Variants in TMEM18 observed in about 807,000 individuals in gnomAD.
TMEM18 encodes the protein transmembrane protein 18.
TMEM18 carries 14 observed loss-of-function variants against 17.4 expected under a neutral mutation model. The ratio of observed to expected loss-of-function variants is 0.80; its 90% CI spans 0.53 to 1.25. The LOEUF (loss-of-function observed/expected upper bound fraction) is 1.25, where lower values mean the gene tolerates loss of function less well. Among genes scored for constraint, TMEM18 ranks in the 50% most tolerant of loss-of-function variants. The pLI is 0.00. For missense variants in TMEM18, 187 were observed against 172.1 expected, an observed-to-expected ratio of 1.09 and a Z score of -0.48; for synonymous variants, 86 against 66.1, an observed-to-expected ratio of 1.30 and a Z score of -1.46.
intron 3 of TMEM18, among the ~76,000 whole-genome samples, chr2:672,397 A>G (rs1678873298): frequency 6.6e-6 from 1 of 152,114 alleles, no homozygotes; most frequent in Non-Finnish European, 1.5e-5. Flanking sequence ...TGAGGCAGGC[A>G]GGTGCCCCAG....
intron 2 of TMEM18, among the ~76,000 whole-genome samples, chr2:674,175 G>T (rs1449717743): frequency 6.6e-6 from 1 of 152,178 alleles, no homozygotes; most frequent in Non-Finnish European, 1.5e-5. Context: ...TATTACCCCG[G>T]TGTGAAAGCA....
chr2:675,799 G>C (rs1473777850), intron 1 of TMEM18, 169 bp from the exon 2 acceptor site: 1 of 1,531,208 alleles, frequency 6.5e-7, no homozygotes, highest in Admixed American at 2.0e-5. Context: ...AGAAACATGG[G>C]GACAGGAAAG....
intron 1 of TMEM18, 105 bp downstream of exon 1, chr2:677,184 C>G (rs1659279796): frequency 4.9e-6 from 7 of 1,439,202 alleles, no homozygotes; most frequent in Non-Finnish European, 6.6e-6. Flanking sequence ...AGGCCCCGCC[C>G]ACGGCCGGGG....
intron 3 of TMEM18, chr2:670,103 G>A (rs1678801445): frequency 2.2e-6 from 1 of 444,868 alleles, no homozygotes; most frequent in African/African-American, 2.0e-5. Flanking sequence ...GAAAGACCCC[G>A]AGGCCTCCCC....
chr2:669,859 A>G lies in TMEM18; in HGVS notation c.234-9T>C. ...GGTATTTCGAAAATAATCTGTTTAAAAAACAAAAACAAAAAATTACTAGGC... is the reference window on the plus strand; with the variant it reads ...GGTATTTCGAAAATAATCTGTTTAAGAAACAAAAACAAAAAATTACTAGGC... On this transcript the variant is annotated splice_polypyrimidine_tract_variant and intron_variant, in intron 3 of 4. Coordinates refer to ENST00000281017, the MANE Select transcript of TMEM18 (RefSeq NM_152834.4). 1 of 1,600,690 alleles carries G rather than the reference A, an allele frequency of 6.2e-7. No homozygotes were observed. The highest frequency in any genetic ancestry group is 8.5e-7 in the Non-Finnish European group (1 of 1,173,730).
At position 675,906 on chromosome 2, in the gene TMEM18, C is replaced by T. The variant is rs545235857; in HGVS notation, c.58-276G>A. Reference sequence around the variant, plus strand: ...CAAGCACACAGAACTGAAGGCATCTCTGATGTGCTCCTTTCGTTTGTGGAA... The same window carrying T: ...CAAGCACACAGAACTGAAGGCATCTTTGATGTGCTCCTTTCGTTTGTGGAA... On this transcript the variant is annotated intron_variant, in intron 1 of 4. Transcript: ENST00000281017. The T allele has an allele frequency of 4.3e-5, 62 of 1,452,934 alleles. 1 individual carries two copies. In the East Asian group the frequency reaches 1.9e-3, roughly 44 times the overall value. 90.0% of individuals were successfully genotyped at this position (1,452,934 alleles called of 1,614,324 possible). A position where few individuals can be genotyped will look rare whatever the true frequency, so the allele number is the denominator to read the frequency against.
chr2:677,390 G>C lies in TMEM18; in HGVS notation c.-45C>G. The C allele has an allele frequency of 6.2e-7, 1 of 1,601,268 alleles. No individual in the cohort carries two copies. The highest frequency in any genetic ancestry group is 8.5e-7 in the Non-Finnish European group (1 of 1,175,460). On this transcript the variant is annotated 5_prime_UTR_variant, in exon 1 of 5. Transcript: ENST00000281017. ...TCACAGCAACCGCCGAACCCGGCCT[G>C]GCCAGAATCCACAGAGGAGGGCGCC...
chr2:667,028 T>C lies in TMEM18; in HGVS notation c.*2552A>G, dbSNP rs2103088140. Among the ~76,000 whole-genome samples the C allele has an allele frequency of 6.6e-6, 1 of 151,714 alleles. No individual in the cohort carries two copies. The highest frequency in any genetic ancestry group is 2.1e-4 in the South Asian group (1 of 4,788). ...CACCCCCAGCCCTTTTTTTTTTTTT[T>C]TAACATTTATTATTTTGTAAAGGGC... On this transcript the variant is annotated 3_prime_UTR_variant, in exon 5 of 5. Transcript: ENST00000281017.
intron 1 of TMEM18, 37 bp downstream of exon 1, chr2:677,252 C>T (rs1455436214): frequency 2.5e-6 from 4 of 1,597,722 alleles, no homozygotes; most frequent in Non-Finnish European, 3.4e-6. Flanking sequence ...CTCCGCCGTC[C>T]TCCCCCGAAC....
Position 665,040 on chromosome 2 carries a change from G to C in TMEM18, c.*4540C>G, listed in dbSNP as rs1466787533. 6.6e-6 allele frequency among the ~76,000 whole-genome samples: 1 copy of C among 152,222 alleles called. No individual in the cohort carries two copies. Among genetic ancestry groups the C allele is most frequent in the East Asian group, 1.9e-4 (1 of 5,198 alleles). ...CTTAACAATTTTCTCCTGTTCCAAA[G>C]ATATCCAATGTTATATAAGAAATAA... On this transcript the variant is annotated 3_prime_UTR_variant, in exon 5 of 5. Transcript: ENST00000281017.
At chr2:670,513 G>C (rs1339545501) in intron 3 of TMEM18, 1 of 152,820 alleles carries the variant, frequency 6.5e-6, no homozygotes, top group Non-Finnish European at 1.5e-5. Context: ...GGTGGGCAGT[G>C]GGTCAGCGCC....
intron 2 of TMEM18, among the ~76,000 whole-genome samples, chr2:673,926 G>C (rs1016725657): frequency 2.4e-4 from 36 of 152,014 alleles, no homozygotes; most frequent in African/African-American, 8.2e-4. Context: ...TGGTAGGCAC[G>C]GGAGGAAGGC....
intron 2 of TMEM18, among the ~76,000 whole-genome samples, chr2:673,257 C>A (rs1373104014): frequency 2.6e-5 from 4 of 152,204 alleles, no homozygotes; most frequent in Non-Finnish European, 5.9e-5. Flanking sequence ...CCAGAGCTGA[C>A]AACCAAGGGC....
In TMEM18 at chr2:677,274, CGG is replaced by C; in HGVS notation, c.57+13_57+14del. 1 of 1,608,402 alleles carries C rather than the reference CGG, an allele frequency of 6.2e-7. No homozygotes were observed. The highest frequency in any genetic ancestry group is 2.2e-5 in the East Asian group (1 of 44,766). On this transcript the variant is annotated intron_variant, in intron 1 of 4. Coordinates refer to ENST00000281017, the MANE Select transcript of TMEM18 (RefSeq NM_152834.4). ...GTCCTCCCCCGAACTGGTGGTTACG[CGG>C]GCCGCGAGTTACCGTGAGCACGGCT...
intron 3 of TMEM18, among the ~76,000 whole-genome samples, chr2:672,354 G>A (rs1486166503): frequency 3.3e-5 from 5 of 152,066 alleles, no homozygotes; most frequent in African/African-American, 1.2e-4. Context: ...GCTGCCAGCG[G>A]TGCCCCCCGA....
chr2:675,982 CGAT>C (rs1268920365), intron 1 of TMEM18: 5 of 1,312,742 alleles, frequency 3.8e-6, no homozygotes, highest in East Asian at 9.4e-5. Context: ...CCATCCTTTA[CGAT>C]GATAATTGGT....
chr2:671,029 T>C (rs1678832097), intron 3 of TMEM18: 1 of 152,256 alleles, frequency 6.6e-6, no homozygotes, highest in Non-Finnish European at 1.5e-5. Context: ...TCCTGAACAA[T>C]GCCCTGTTAC....
At chr2:672,448 G>A (rs556552758) in intron 3 of TMEM18, among the ~76,000 whole-genome samples, 2 of 152,282 alleles carry the variant, frequency 1.3e-5, no homozygotes, top group East Asian at 1.9e-4. Flanking sequence ...ACTCCCCATG[G>A]AGCAGCCACC....
In TMEM18 at chr2:666,155, G is replaced by A. The variant is rs914243886; in HGVS notation, c.*3425C>T. On this transcript the variant is annotated 3_prime_UTR_variant, in exon 5 of 5. Coordinates refer to ENST00000281017, the MANE Select transcript of TMEM18 (RefSeq NM_152834.4). ...GCCCATGGAGGCTGACATCCAGCTC[G>A]CTCAGATGGAGCAGGAGCTGCTGAA... Among the ~76,000 whole-genome samples, 6 of 152,216 alleles carry A rather than the reference G, an allele frequency of 3.9e-5. No homozygotes were observed. Among genetic ancestry groups the A allele is most frequent in the East Asian group, 3.8e-4 (2 of 5,196 alleles).
Sources: allele counts gnomAD v4.1 joint callset (sites outside exome capture counted in the v4.1 genomes callset), GRCh38; gene constraint gnomAD v4.1.1; transcripts MANE v1.5; gene names NCBI Gene and HGNC (gene_info 2026-07-23, HGNC 2026-07-21).